SRGAP3: variants seen among roughly 807,000 people sequenced by gnomAD.
The protein encoded by SRGAP3 is SLIT-ROBO Rho GTPase-activating protein 3.
A neutral mutation model predicts 121.1 loss-of-function variants in SRGAP3; 39 were observed. The observed-to-expected ratio is 0.32, with a 90% CI of 0.25 to 0.42. The LOEUF is 0.42. Ranked by LOEUF, SRGAP3 falls within the 10% of genes least tolerant of loss-of-function variation. The pLI is 1.00. For missense variants in SRGAP3, 1,213 were observed against 1,470.6 expected (o/e 0.82, Z 2.86); for synonymous variants, 601 against 570.0 (o/e 1.05, Z -0.77).
intron 3 of SRGAP3, among the ~76,000 whole-genome samples, chr3:9,084,284 G>A (rs1947364972): frequency 6.6e-6 from 1 of 152,166 alleles, no homozygotes; most frequent in Non-Finnish European, 1.5e-5. Flanking sequence ...TTCAAGGGAA[G>A]CTGGAGGCCA....
chr3:9,277,538 G>A (rs1420955213), intron 3 of SRGAP3, among the ~76,000 whole-genome samples: 1 of 148,760 alleles, frequency 6.7e-6, no homozygotes, highest in Non-Finnish European at 1.5e-5. Context: ...AACCCGGGAG[G>A]CGGAGGTTGC....
intron 10 of SRGAP3, among the ~76,000 whole-genome samples, chr3:9,046,843 T>C (rs1478320678): frequency 1.3e-5 from 2 of 151,798 alleles, no homozygotes; most frequent in African/African-American, 4.8e-5. Flanking sequence ...TTTCTTTTTT[T>C]TTTTGGAGAT....
Position 8,985,775 on chromosome 3 carries a change from G to T in SRGAP3, c.3044C>A (p.Thr1015Asn), listed in dbSNP as rs1030348498. The T allele has an allele frequency of 1.2e-6, 2 of 1,600,290 alleles. No individual in the cohort carries two copies. Among genetic ancestry groups the T allele is most frequent in the East Asian group, 2.2e-5 (1 of 44,846 alleles). The stretch of plus-strand genomic sequence containing the variant: ...GGCATCGGGGTCGCGGATGACGATG[G>T]TGTGAAGGGGACTGGCGGGCTCCGA... The part of the protein sequence containing the change: ...VSSEPASPLH[T>N]IVIRDPDAAM... The change falls in exon 22 of 22, where the codon ACC becomes AAC. Residue 1015 changes from threonine to asparagine, a missense_variant. Thr to Asn is a moderately conservative substitution (Grantham distance 65). Transcript: ENST00000383836. This position sits in a 1 kb window ranked among gnomAD's most constrained non-coding sequence, Gnocchi z 5.1.
chr3:9,055,635 T>C (rs1407038087), intron 8 of SRGAP3, among the ~76,000 whole-genome samples: 2 of 152,376 alleles, frequency 1.3e-5, no homozygotes, highest in East Asian at 3.9e-4. Context: ...TGCCCTAGGT[T>C]GTTTATTTCA....
At chr3:9,083,754 C>T (rs1039937227) in intron 3 of SRGAP3, among the ~76,000 whole-genome samples, 2 of 152,174 alleles carry the variant, frequency 1.3e-5, no homozygotes, top group Non-Finnish European at 2.9e-5. Context: ...GGGAAGAGTC[C>T]TGTCTTCAGA....
At chr3:9,104,632 C>T (rs1948346449) in intron 3 of SRGAP3, 48 bp downstream of exon 3, 3 of 1,611,556 alleles carry the variant, frequency 1.9e-6, no homozygotes, top group Admixed American at 1.7e-5. Flanking sequence ...TACCATGGGC[C>T]AGCTTGGGGC....
intron 14 of SRGAP3, among the ~76,000 whole-genome samples, chr3:9,018,835 CT>C (rs1447928470): frequency 1.3e-5 from 2 of 152,116 alleles, no homozygotes; most frequent in Non-Finnish European, 1.5e-5. Context: ...CAGAAAAGCC[CT>C]ACTCTTATCC....
chr3:9,160,738 G>A (rs186275244), intron 1 of SRGAP3, among the ~76,000 whole-genome samples: 29 of 152,260 alleles, frequency 1.9e-4, no homozygotes, highest in East Asian at 3.9e-4. Context: ...ATTGATATAC[G>A]TAAAGGGTTA....
At chr3:9,144,151 C>T (rs968815826) in intron 1 of SRGAP3, among the ~76,000 whole-genome samples, 1 of 152,184 alleles carries the variant, frequency 6.6e-6, no homozygotes, top group Non-Finnish European at 1.5e-5. Flanking sequence ...CTACCTCTAG[C>T]CTAAACCTCT....
intron 3 of SRGAP3, among the ~76,000 whole-genome samples, chr3:9,314,881 C>T (rs1308997640): frequency 6.6e-6 from 1 of 152,226 alleles, no homozygotes. Flanking sequence ...GATAACCAGA[C>T]TTCAGCTTCA....
Position 9,056,344 on chromosome 3 carries a change from T to C in SRGAP3, c.1024-10A>G. 6.2e-7 allele frequency: 1 copy of C among 1,611,544 alleles called. No individual in the cohort carries two copies. Among genetic ancestry groups the C allele is most frequent in the Non-Finnish European group, 8.5e-7 (1 of 1,179,778 alleles). On this transcript the variant is annotated splice_polypyrimidine_tract_variant and intron_variant, in intron 7 of 21. Coordinates refer to ENST00000383836, the MANE Select transcript of SRGAP3 (RefSeq NM_014850.4). Reference sequence around the variant, plus strand: ...CGCTGACCTGGCAGACCTGCAGGAATAACAGCCACCATCTGTGGTTGCCCT... The same window carrying C: ...CGCTGACCTGGCAGACCTGCAGGAACAACAGCCACCATCTGTGGTTGCCCT...
rs977603653 is a variant in SRGAP3 at position 9,109,762 on chromosome 3, C to A, written c.261-4920G>T. On this transcript the variant is annotated intron_variant, in intron 2 of 21. Transcript: ENST00000383836. The surrounding 1 kb of genome is among the most constrained non-coding windows in gnomAD (Gnocchi z 4.4). ...GTCATGCATGGCTTCCTGGAGGAAACGCTTTCTAGACTGAGAACTAAAAGC... is the reference window on the plus strand; with the variant it reads ...GTCATGCATGGCTTCCTGGAGGAAAAGCTTTCTAGACTGAGAACTAAAAGC... 6.6e-6 allele frequency among the ~76,000 whole-genome samples: 1 copy of A among 152,122 alleles called. No homozygotes were observed. The highest frequency in any genetic ancestry group is 1.5e-5 in the Non-Finnish European group (1 of 68,016).
chr3:9,258,671 G>A (rs756697488), intron 3 of SRGAP3, among the ~76,000 whole-genome samples: 1 of 152,182 alleles, frequency 6.6e-6, no homozygotes. Context: ...CCTCTTATCA[G>A]TGGCACCACA....
intron 1 of SRGAP3, among the ~76,000 whole-genome samples, chr3:9,353,661 T>C (rs1378910368): frequency 6.6e-6 from 1 of 152,238 alleles, no homozygotes; most frequent in Non-Finnish European, 1.5e-5. Flanking sequence ...CTGATTGTAT[T>C]TCCCTCTAGT....
intron 1 of SRGAP3, among the ~76,000 whole-genome samples, chr3:9,139,424 A>G (rs959533178): frequency 9.2e-5 from 14 of 152,226 alleles, no homozygotes; most frequent in African/African-American, 3.4e-4. Flanking sequence ...AAAAAAAAGA[A>G]GATTTGTCAC....
chr3:9,250,870 G>A (rs2125250573), upstream of SRGAP3, among the ~76,000 whole-genome samples: 1 of 152,336 alleles, frequency 6.6e-6, no homozygotes, highest in Non-Finnish European at 1.5e-5. Flanking sequence ...GATTCATTCT[G>A]TAAAAACTGA....
rs564664551 is a variant in SRGAP3 at position 9,059,954 on chromosome 3, G to A, written c.801+277C>T. The A allele has an allele frequency of 1.4e-3, 619 of 444,292 alleles. 1 individual carries two copies. Among genetic ancestry groups the A allele is most frequent in the Non-Finnish European group, 2.4e-3 (565 of 237,666 alleles). 27.5% of individuals were successfully genotyped at this position (444,292 alleles called of 1,614,324 possible). A position where few individuals can be genotyped will look rare whatever the true frequency, so the allele number is the denominator to read the frequency against. ...CCAGCAAAGGACCTGGTGTCCAGGA[G>A]GGTACTTGGGAAGTTGCCATTGGAT... On this transcript the variant is annotated intron_variant, in intron 6 of 21. Transcript: ENST00000383836.
chr3:9,206,518 G>A (rs1952271147), intron 1 of SRGAP3, among the ~76,000 whole-genome samples: 1 of 152,080 alleles, frequency 6.6e-6, no homozygotes, highest in African/African-American at 2.4e-5. Flanking sequence ...ATGGCCCCTC[G>A]ATGCCTCTCT....
intron 9 of SRGAP3, 43 bp from the exon 10 acceptor site, chr3:9,047,518 G>A (rs573806952): frequency 1.1e-5 from 18 of 1,583,726 alleles, no homozygotes; most frequent in Admixed American, 3.4e-5. Context: ...TTGCAAGGCC[G>A]AGTAATGGGA....
Sources: allele counts gnomAD v4.1 joint callset (sites outside exome capture counted in the v4.1 genomes callset), GRCh38; gene constraint gnomAD v4.1.1; non-coding constraint Gnocchi (gnomAD v3.1); transcripts MANE v1.5; gene names NCBI Gene and HGNC (gene_info 2026-07-23, HGNC 2026-07-21).